The following TENM3 variants were observed in gnomAD, a reference collection of about 807,000 sequenced individuals.
TENM3 encodes the protein teneurin transmembrane protein 3, also known as teneurin-3.
TENM3 carries 63 observed loss-of-function variants against 255.1 expected under a neutral mutation model. The observed-to-expected ratio is 0.25, with a 90% CI of 0.20 to 0.30. TENM3 has a LOEUF of 0.30. TENM3 is among the 10% of genes least tolerant of loss of function. The pLI, the probability that TENM3 is intolerant of heterozygous loss-of-function variation, is 1.00. For synonymous variants in TENM3, 1,306 were observed against 1,322.3 expected, an observed-to-expected ratio of 0.99 and a Z score of 0.27; for missense variants, 2,929 against 3,461.1, an observed-to-expected ratio of 0.85 and a Z score of 3.86.
At chr4:182,246,366 G>T (rs1757649827) in intron 1 of TENM3, among the ~76,000 whole-genome samples, 1 of 98,192 alleles carries the variant, frequency 1.0e-5, no homozygotes, top group African/African-American at 4.0e-5. Flanking sequence ...CGCCCCTCAG[G>T]AATAACATTT....
At chr4:182,337,194 T>A (rs1487667418) in intron 2 of TENM3, among the ~76,000 whole-genome samples, 1 of 152,100 alleles carries the variant, frequency 6.6e-6, no homozygotes, top group African/African-American at 2.4e-5. Context: ...AAGAAAAAAA[T>A]TGATAAATTG....
chr4:182,182,244 T>A (rs1388914430), intron 1 of TENM3, among the ~76,000 whole-genome samples: 1 of 152,214 alleles, frequency 6.6e-6, no homozygotes, highest in African/African-American at 2.4e-5. Context: ...TCTCTTCTAT[T>A]ATTCTATGAT....
At chr4:181,814,552 A>G in the TENM3 span, among the ~76,000 whole-genome samples, 2 of 151,810 alleles carry the variant, frequency 1.3e-5, no homozygotes, top group African/African-American at 4.8e-5. Flanking sequence ...CTCATAGGAA[A>G]TAGACAAATT....
the TENM3 span, among the ~76,000 whole-genome samples, chr4:181,549,736 C>A: frequency 2.0e-5 from 3 of 152,300 alleles, no homozygotes; most frequent in African/African-American, 4.8e-5. Flanking sequence ...ACGACCCATG[C>A]TTTGATTAAT....
the TENM3 span, among the ~76,000 whole-genome samples, chr4:181,448,069 A>C: frequency 2.0e-5 from 3 of 151,516 alleles, no homozygotes; most frequent in African/African-American, 7.3e-5. Context: ...GTGTGTCTTC[A>C]ACCTTACCAT....
intron 1 of TENM3, among the ~76,000 whole-genome samples, chr4:182,208,128 G>T (rs1162247467): frequency 2.0e-5 from 3 of 152,152 alleles, no homozygotes; most frequent in Non-Finnish European, 2.9e-5. Flanking sequence ...TGTCCAACAT[G>T]CCTTTTTCTA....
At chr4:182,465,330 G>C (rs774418211) in intron 3 of TENM3, among the ~76,000 whole-genome samples, 3 of 152,110 alleles carry the variant, frequency 2.0e-5, no homozygotes, top group Non-Finnish European at 4.4e-5. Context: ...TAGGTCCCGA[G>C]GACTTCAGGA....
chr4:181,792,705 C>T, the TENM3 span, among the ~76,000 whole-genome samples: 1 of 152,136 alleles, frequency 6.6e-6, no homozygotes, highest in Non-Finnish European at 1.5e-5. Context: ...TTCTCCCTCA[C>T]AGTTTTTTTC....
chr4:181,451,631 A>C, the TENM3 span, among the ~76,000 whole-genome samples: 31 of 152,194 alleles, frequency 2.0e-4, no homozygotes, highest in Non-Finnish European at 3.4e-4. Flanking sequence ...CAGCTGGATC[A>C]GAAAGAGAAT....
chr4:181,977,881 G>A, the TENM3 span, among the ~76,000 whole-genome samples: 3 of 152,116 alleles, frequency 2.0e-5, no homozygotes, highest in South Asian at 2.1e-4. Flanking sequence ...ATAGGATAAC[G>A]TTCACAAGCT....
chr4:182,130,446 C>G, the TENM3 span, among the ~76,000 whole-genome samples: 12 of 152,254 alleles, frequency 7.9e-5, no homozygotes, highest in East Asian at 2.3e-3. Flanking sequence ...ACATAATTAA[C>G]AGTTACAAAA....
At chr4:181,456,087 G>T in the TENM3 span, among the ~76,000 whole-genome samples, 1 of 146,092 alleles carries the variant, frequency 6.8e-6, no homozygotes, top group Admixed American at 7.0e-5. Context: ...GATTTACTTG[G>T]TAAATATATG....
rs752098383 is a variant in TENM3, at chr4:182,754,934, A to G, written c.4567A>G (p.Ile1523Val). Residue 1523 changes from isoleucine (I) to valine (V), a missense_variant, in exon 22 of 28, where the codon ATC becomes GTC. Ile to Val is a conservative substitution (Grantham distance 29). Around this residue, in one of 6 missense-constraint regions of TENM3, gnomAD observed 1,608 missense variants for 1,884.4 expected, o/e 0.85. Transcript: ENST00000511685. This position sits in a 1 kb window ranked among gnomAD's most constrained non-coding sequence, Gnocchi z 5.1. Reference protein sequence around the residue: ...VASPTDQELYIFDINGTHQYT... With the variant: ...VASPTDQELYVFDINGTHQYT... ...GTCTCCAACTGATCAAGAACTCTACATCTTTGACATCAATGGTACTCACCA... is the reference window on the plus strand; with the variant it reads ...GTCTCCAACTGATCAAGAACTCTACGTCTTTGACATCAATGGTACTCACCA... The G allele has an allele frequency of 5.6e-6, 9 of 1,613,924 alleles. No homozygotes were observed. The highest frequency in any genetic ancestry group is 5.5e-5 in the South Asian group (5 of 91,092).
the TENM3 span, among the ~76,000 whole-genome samples, chr4:181,613,387 G>C: frequency 6.6e-6 from 1 of 152,206 alleles, no homozygotes. Flanking sequence ...CGGGAATGTA[G>C]GGGATGCTGA....
intron 3 of TENM3, among the ~76,000 whole-genome samples, chr4:182,366,969 A>G (rs1766473475): frequency 6.6e-6 from 1 of 152,172 alleles, no homozygotes; most frequent in African/African-American, 2.4e-5. Flanking sequence ...GTTCGTTTTA[A>G]GGAATAAAAG....
the TENM3 span, among the ~76,000 whole-genome samples, chr4:181,575,121 A>T: frequency 6.6e-6 from 1 of 151,768 alleles, no homozygotes; most frequent in Non-Finnish European, 1.5e-5. Flanking sequence ...CCCTAATTCC[A>T]CTCTCCACAG....
intron 3 of TENM3, among the ~76,000 whole-genome samples, chr4:182,553,650 A>G (rs1282257445): frequency 1.3e-5 from 2 of 152,192 alleles, no homozygotes; most frequent in Non-Finnish European, 2.9e-5. Flanking sequence ...GCATATTGCT[A>G]GGGACGATGT....
the TENM3 span, among the ~76,000 whole-genome samples, chr4:181,522,024 G>A: frequency 9.4e-5 from 14 of 148,368 alleles, no homozygotes; most frequent in Admixed American, 2.7e-4. Context: ...TGGCGTGAAC[G>A]CGGGAGGCAG....
chr4:182,590,362 G>T (rs1187401408), intron 3 of TENM3, among the ~76,000 whole-genome samples: 1 of 151,658 alleles, frequency 6.6e-6, no homozygotes, highest in Non-Finnish European at 1.5e-5. Context: ...AGAGGGCTGG[G>T]CATGTTGATT....
Sources: gnomAD v4.1 joint callset for allele counts (sites outside exome capture counted in the v4.1 genomes callset) on GRCh38, gnomAD v4.1.1 for gene constraint, gnomAD v4.1.1 regional missense constraint, Gnocchi (gnomAD v3.1) non-coding constraint, MANE v1.5 for transcripts, NCBI Gene and HGNC (gene_info 2026-07-23, HGNC 2026-07-21) for gene names.